The following SEMA4C variants were observed in gnomAD, a reference collection of about 807,000 sequenced individuals.
SEMA4C encodes semaphorin-4C.
Under a neutral mutation model 89.0 loss-of-function variants are expected in SEMA4C, and 19 were observed. The ratio of observed to expected loss-of-function variants is 0.21; its 90% CI spans 0.15 to 0.31. SEMA4C has a LOEUF of 0.31. Among genes scored for constraint, SEMA4C ranks in the 10% least tolerant of loss-of-function variants. The pLI is 1.00. For missense variants in SEMA4C, 811 were observed against 1,107.0 expected (o/e 0.73, Z 3.79); for synonymous variants, 428 against 472.7 (o/e 0.91, Z 1.23).
chr2:96,865,980 C>A (rs1421726616), intron 3 of SEMA4C, 51 bp from the exon 4 acceptor site: 1 of 1,580,454 alleles, frequency 6.3e-7, no homozygotes, highest in Non-Finnish European at 8.7e-7. Flanking sequence ...GGACTGAGCA[C>A]GTGTCACAAG....
rs532859533 is a variant in SEMA4C, at chr2:96,864,633, C to T, written c.962+72G>A. Reference sequence around the variant, plus strand: ...GACTGCCTCTGAGGCCTGGTCCAGGCTCCCACCCATGCACCGTCCCTGACC... The same window carrying T: ...GACTGCCTCTGAGGCCTGGTCCAGGTTCCCACCCATGCACCGTCCCTGACC... On this transcript the variant is annotated intron_variant, in intron 9 of 14. Transcript: ENST00000305476. This position sits in a 1 kb window ranked among gnomAD's most constrained non-coding sequence, Gnocchi z 6.3. 190 of 1,520,810 alleles carry T rather than the reference C, an allele frequency of 1.2e-4. No individual in the cohort carries two copies. The Admixed American group carries it at 1.8e-3, about 14-fold the overall frequency. 94.2% of individuals were successfully genotyped at this position (1,520,810 alleles called of 1,614,324 possible).
Position 96,869,995 on chromosome 2 carries a change from TGC to T in SEMA4C, c.-159_-158del, listed in dbSNP as rs1202180908. On this transcript the variant is annotated 5_prime_UTR_variant, in exon 1 of 15. Coordinates refer to ENST00000305476, the MANE Select transcript of SEMA4C (RefSeq NM_017789.5). ...GCCCGCCAGCCCTCCGCGGCCTCTC[TGC>T]CACCGCCCCTCCGTCCCCGCCCGGC... 1.0e-6 allele frequency: 1 copy of T among 985,678 alleles called. No homozygotes were observed. Among genetic ancestry groups the T allele is most frequent in the Non-Finnish European group, 1.2e-6 (1 of 829,950 alleles). The allele number at this position is 985,678 out of a possible 1,614,324, so 61.1% of individuals were successfully genotyped here.
Position 96,864,562 on chromosome 2 carries a change from G to T in SEMA4C, c.962+143C>A, listed in dbSNP as rs2080025895. On this transcript the variant is annotated intron_variant, in intron 9 of 14. Transcript: ENST00000305476. The surrounding 1 kb of genome is among the most constrained non-coding windows in gnomAD (Gnocchi z 6.3). ...CCCCTTCACAGGCAGCTCTGAAAGG[G>T]GCAGGTGCCAGCATTCTCCTTGGCT... 3 of 1,340,216 alleles carry T rather than the reference G, an allele frequency of 2.2e-6. No homozygotes were observed. Among genetic ancestry groups the T allele is most frequent in the African/African-American group, 1.5e-5 (1 of 68,394 alleles). The allele number at this position is 1,340,216 out of a possible 1,614,324, so 83.0% of individuals were successfully genotyped here.
rs765622158 is a variant in SEMA4C, at chr2:96,860,949, C to G, written c.2179G>C (p.Asp727His). Residue 727 changes from aspartate (D) to histidine (H), a missense_variant, in exon 15 of 15, where the codon GAT becomes CAT. Asp to His is a moderately conservative substitution (Grantham distance 81). Transcript: ENST00000305476. ...CCGACAGGATCCCAAAGTTTCTCAT[C>G]TGGTTCAGGACAGGGCCGGAAGGGG... is the stretch of plus-strand genomic sequence containing the variant. ...SPPFRPCPEPDEKLWDPVGYY... is the reference protein window; with the variant it reads ...SPPFRPCPEPHEKLWDPVGYY... The G allele has an allele frequency of 1.2e-6, 2 of 1,612,960 alleles. No individual in the cohort carries two copies. Among genetic ancestry groups the G allele is most frequent in the Non-Finnish European group, 1.7e-6 (2 of 1,180,030 alleles).
chr2:96,864,908 G>A lies in SEMA4C; in HGVS notation c.787-28C>T. 4 of 1,611,776 alleles carry A rather than the reference G, an allele frequency of 2.5e-6. No homozygotes were observed. Among genetic ancestry groups the A allele is most frequent in the Non-Finnish European group, 3.4e-6 (4 of 1,179,068 alleles). The stretch of plus-strand genomic sequence containing the variant: ...GGCAGACGGCAAGGGGACACTGCCG[G>A]TCAGCCCCGCTGGGCCAGCAGGGCT... On this transcript the variant is annotated intron_variant, in intron 8 of 14. Transcript: ENST00000305476. This position sits in a 1 kb window ranked among gnomAD's most constrained non-coding sequence, Gnocchi z 6.3.
rs1206461635 is a variant in SEMA4C at position 96,861,258 on chromosome 2, C to A, written c.1870G>T (p.Ala624Ser). 6.2e-7 allele frequency: 1 copy of A among 1,609,974 alleles called. No individual in the cohort carries two copies. Among genetic ancestry groups the A allele is most frequent in the Non-Finnish European group, 8.5e-7 (1 of 1,179,630 alleles). Residue 624 changes from alanine (A) to serine (S), a missense_variant, in exon 15 of 15, where the codon GCC becomes TCC. Ala to Ser is a moderately conservative substitution (Grantham distance 99). Transcript: ENST00000305476. This position sits in a 1 kb window ranked among gnomAD's most constrained non-coding sequence, Gnocchi z 7.8. Reference sequence around the variant, plus strand: ...TGCTCCTCTGAAAAGCAGTGGTAGGCCCCGGCATGGCGGGGCTGGGCAGCC... The same window carrying A: ...TGCTCCTCTGAAAAGCAGTGGTAGGACCCGGCATGGCGGGGCTGGGCAGCC... The part of the protein sequence containing the change: ...VMAAQPRHAG[A>S]YHCFSEEQGA...
intron 11 of SEMA4C, 30 bp from the exon 12 acceptor site, chr2:96,863,824 G>A (rs2080007660): frequency 1.9e-6 from 3 of 1,609,402 alleles, no homozygotes; most frequent in South Asian, 2.2e-5. Context: ...AGGTGTAAAT[G>A]AGAGGGCACA....
Position 96,860,862 on chromosome 2 carries a change from C to T in SEMA4C, c.2266G>A (p.Gly756Arg). The change falls in exon 15 of 15, where the codon GGG becomes AGG. Residue 756 changes from glycine to arginine, a missense_variant. Gly to Arg is a moderately radical substitution (Grantham distance 125). Transcript: ENST00000305476. ...CCTGGAGGTGGCGAAGGGGGCCCCC[C>T]ACCGGGCTGGCACCGGGCATGCCCA... The part of the protein sequence containing the change: ...VPGHARCQPG[G>R]GPPSPPPGIP... 1 of 1,613,162 alleles carries T rather than the reference C, an allele frequency of 6.2e-7. No individual in the cohort carries two copies. The highest frequency in any genetic ancestry group is 1.1e-5 in the South Asian group (1 of 91,088).
chr2:96,868,197 G>C (rs1189050239), intron 1 of SEMA4C, among the ~76,000 whole-genome samples: 1 of 152,206 alleles, frequency 6.6e-6, no homozygotes, highest in Non-Finnish European at 1.5e-5. Context: ...CACTACCTCT[G>C]CGCAACAGGA....
chr2:96,870,253 G>C (rs985008028), upstream of SEMA4C: 88 of 985,460 alleles, frequency 8.9e-5, no homozygotes, highest in African/African-American at 1.3e-3. Context: ...CTGGGTGCCC[G>C]GACCTCAACC....
At position 96,867,931 on chromosome 2, in the gene SEMA4C, G is replaced by A. The variant is rs756429278; in HGVS notation, c.-37-8C>T. The A allele has an allele frequency of 1.2e-5, 19 of 1,612,694 alleles. No homozygotes were observed. Among genetic ancestry groups the A allele is most frequent in the Non-Finnish European group, 1.6e-5 (19 of 1,179,898 alleles). On this transcript the variant is annotated splice_region_variant and splice_polypyrimidine_tract_variant and intron_variant, in intron 1 of 14. Coordinates refer to ENST00000305476, the MANE Select transcript of SEMA4C (RefSeq NM_017789.5). ...AGCTTCAGGCCAGCTGTCCTGCTGAGGGAAAAGACATGGTCAGAAATCACA... is the reference window on the plus strand; with the variant it reads ...AGCTTCAGGCCAGCTGTCCTGCTGAAGGAAAAGACATGGTCAGAAATCACA...
Position 96,869,933 on chromosome 2 carries a change from T to C in SEMA4C, c.-95A>G. ...CCCTCGCGTTCGGCTCTGACCGCCG[T>C]CCACCCCTGCCCCCGCGTCGCCGCC... is the stretch of plus-strand genomic sequence containing the variant. On this transcript the variant is annotated 5_prime_UTR_variant, in exon 1 of 15. Coordinates refer to ENST00000305476, the MANE Select transcript of SEMA4C (RefSeq NM_017789.5). 1 of 986,566 alleles carries C rather than the reference T, an allele frequency of 1.0e-6. No individual in the cohort carries two copies. Among genetic ancestry groups the C allele is most frequent in the Non-Finnish European group, 1.2e-6 (1 of 830,512 alleles). 61.1% of individuals were successfully genotyped at this position (986,566 alleles called of 1,614,324 possible).
chr2:96,863,411 A>C, intron 12 of SEMA4C: 1 of 1,221,722 alleles, frequency 8.2e-7, no homozygotes, highest in Non-Finnish European at 1.0e-6. Context: ...GTCTGAAAGA[A>C]ACATGGGAGC....
upstream of SEMA4C, chr2:96,870,173 A>C: frequency 2.0e-6 from 2 of 983,796 alleles, no homozygotes; most frequent in South Asian, 9.4e-5. Context: ...CTCGCTCAGG[A>C]GGGGGCTGCG....
At chr2:96,868,032 G>A (rs2080120951) in intron 1 of SEMA4C, 109 bp from the exon 2 acceptor site, 10 of 1,414,428 alleles carry the variant, frequency 7.1e-6, no homozygotes, top group African/African-American at 2.9e-5. Context: ...CAGGAGCCCC[G>A]GTGCCCTCCT....
In SEMA4C at chr2:96,863,977, G is replaced by T. The variant is rs1177775323; in HGVS notation, c.1279C>A (p.Arg427=). 1.2e-6 allele frequency: 2 copies of T among 1,613,394 alleles called. No individual in the cohort carries two copies. The highest frequency in any genetic ancestry group is 1.7e-6 in the Non-Finnish European group (2 of 1,179,972). The stretch of plus-strand genomic sequence containing the variant: ...GTGGCTCCATCAAGTCCTGTAACCC[G>T]GTCGGCCACCAGGTGGGTGAAGTTG... The part of the protein sequence containing the change: ...GTNFTHLVAD[R]VTGLDGATYT... Residue 427 remains arginine (R), a synonymous_variant, in exon 11 of 15, where the codon CGG becomes AGG. Transcript: ENST00000305476.
At position 96,865,554 on chromosome 2, in the gene SEMA4C, A is replaced by C; in HGVS notation, c.421-17T>G. ...GAGCATGTTCTAAGGACAGAGAGAG[A>C]GGTGATGAGGAGATGCTTAAGGGCA... is the stretch of plus-strand genomic sequence containing the variant. On this transcript the variant is annotated splice_polypyrimidine_tract_variant and intron_variant, in intron 5 of 14. Coordinates refer to ENST00000305476, the MANE Select transcript of SEMA4C (RefSeq NM_017789.5). 1 of 1,581,116 alleles carries C rather than the reference A, an allele frequency of 6.3e-7. No homozygotes were observed. Among genetic ancestry groups the C allele is most frequent in the Non-Finnish European group, 8.6e-7 (1 of 1,159,000 alleles).
intron 12 of SEMA4C, chr2:96,862,872 A>AC (rs1285944773): frequency 1.4e-5 from 2 of 145,944 alleles, no homozygotes; most frequent in African/African-American, 5.1e-5. Flanking sequence ...AAAAAAAAAA[A>AC]AAAAAAAAAA....
upstream of SEMA4C, chr2:96,870,379 C>T (rs1022746674): frequency 1.1e-6 from 1 of 927,220 alleles, no homozygotes; most frequent in East Asian, 1.2e-4. Context: ...CACACTCACC[C>T]GATCTTTCTG....
Sources: gnomAD v4.1 joint callset for allele counts (sites outside exome capture counted in the v4.1 genomes callset) on GRCh38, gnomAD v4.1.1 for gene constraint, Gnocchi (gnomAD v3.1) non-coding constraint, MANE v1.5 for transcripts, NCBI Gene and HGNC (gene_info 2026-07-23, HGNC 2026-07-21) for gene names.